The following RGS20 variants were observed in gnomAD, a reference collection of about 807,000 sequenced individuals.
RGS20 encodes the protein gz-selective GTPase-activating protein.
RGS20 carries 30 observed loss-of-function variants against 33.6 expected under a neutral mutation model. That is an observed-to-expected ratio of 0.89 (90% CI 0.67 to 1.21). The LOEUF (loss-of-function observed/expected upper bound fraction) is 1.21. Ranked by LOEUF, RGS20 falls within the 50% of genes most tolerant of loss-of-function variation. The probability of loss-of-function intolerance (pLI) is 0.00; values close to 1 mark genes in which losing one functional copy is unlikely to be tolerated. For synonymous variants in RGS20, 208 were observed against 197.9 expected, an observed-to-expected ratio of 1.05 and a Z score of -0.43; for missense variants, 472 against 502.4, an observed-to-expected ratio of 0.94 and a Z score of 0.58.
At chr8:53,895,308 C>T (rs1223225463) in intron 2 of RGS20, among the ~76,000 whole-genome samples, 2 of 152,102 alleles carry the variant, frequency 1.3e-5, no homozygotes, top group Non-Finnish European at 2.9e-5. Context: ...CAGGAGAGCT[C>T]CAACTGTGGT....
intron 2 of RGS20, among the ~76,000 whole-genome samples, chr8:53,907,570 G>A (rs1301993444): frequency 6.6e-6 from 1 of 151,152 alleles, no homozygotes; most frequent in Non-Finnish European, 1.5e-5. Context: ...GGGTGACAGA[G>A]CAAGACTCCA....
At chr8:53,864,429 T>A (rs1811876757) in intron 1 of RGS20, among the ~76,000 whole-genome samples, 2 of 118,364 alleles carry the variant, frequency 1.7e-5, no homozygotes, top group Admixed American at 9.6e-5. Context: ...CAAGACTCCA[T>A]GAAAAAAAAA....
Position 53,877,646 on chromosome 8 carries a change from G to A in RGS20, c.166-1612G>A, listed in dbSNP as rs1327224478. 6.6e-6 allele frequency among the ~76,000 whole-genome samples: 1 copy of A among 152,222 alleles called. No individual in the cohort carries two copies. Among genetic ancestry groups the A allele is most frequent in the Non-Finnish European group, 1.5e-5 (1 of 68,036 alleles). On this transcript the variant is annotated intron_variant, in intron 1 of 5. Transcript: ENST00000297313. This position sits in a 1 kb window ranked among gnomAD's most constrained non-coding sequence, Gnocchi z 5.7. ...AATAAAAGCACCTTGCCAGAGAGCG[G>A]GGGAGGGGAGCAGCTGAACGAGGAG...
intron 2 of RGS20, among the ~76,000 whole-genome samples, chr8:53,899,895 G>T (rs1455220690): frequency 6.6e-6 from 1 of 152,136 alleles, no homozygotes; most frequent in Non-Finnish European, 1.5e-5. Flanking sequence ...ACCACTCACC[G>T]CCCTCAGCAG....
rs148363383 is a variant in RGS20, at chr8:53,887,592, C to T, written c.510+7990C>T. Among the ~76,000 whole-genome samples, 129 of 152,214 alleles carry T rather than the reference C, an allele frequency of 8.5e-4. No homozygotes were observed. The Middle Eastern group carries it at 0.01, about 12-fold the overall frequency. ...GGCCAGAGAGCAGCCCAAGAGCACA[C>T]GCCCATAGATTTCTTAATTTGTATA... On this transcript the variant is annotated intron_variant, in intron 2 of 5. Coordinates refer to ENST00000297313, the MANE Select transcript of RGS20 (RefSeq NM_170587.4).
chr8:53,853,017 G>A (rs563243956), intron 1 of RGS20, among the ~76,000 whole-genome samples: 20 of 152,210 alleles, frequency 1.3e-4, no homozygotes, highest in Admixed American at 3.3e-4. Flanking sequence ...AGACATATGT[G>A]AACAAATAAC....
At chr8:53,906,142 G>A (rs555361258) in intron 2 of RGS20, among the ~76,000 whole-genome samples, 46 of 152,248 alleles carry the variant, frequency 3.0e-4, no homozygotes, top group African/African-American at 7.2e-4. Flanking sequence ...CAGGCCAGGC[G>A]CGGTGGTTCA....
chr8:53,930,019 A>G (rs60251317), intron 2 of RGS20, among the ~76,000 whole-genome samples: 13,290 of 152,246 alleles, frequency 0.087, 801 homozygotes, highest in South Asian at 0.27. Context: ...CTCATTAAAG[A>G]AAGTCTTGAG....
chr8:53,911,561 A>G (rs1813346433), intron 2 of RGS20, among the ~76,000 whole-genome samples: 1 of 117,110 alleles, frequency 8.5e-6, no homozygotes, highest in African/African-American at 5.6e-5. Flanking sequence ...AATTTAAAAT[A>G]TAGTCATATG....
rs183334143 is a variant in RGS20 at position 53,865,095 on chromosome 8, C to T, written c.165+13031C>T. ...ACACAAAGCCTGGTTTATTAGGAAC[C>T]ACTGGAAAAGCTATAAAGCCCAGGC... On this transcript the variant is annotated intron_variant, in intron 1 of 5. Transcript: ENST00000297313. Among the ~76,000 whole-genome samples the T allele has an allele frequency of 1.6e-4, 24 of 152,350 alleles. No individual in the cohort carries two copies. In the Middle Eastern group the frequency reaches 0.014, roughly 86 times the overall value.
At chr8:53,852,147 T>C in intron 1 of RGS20, 1 of 1,245,930 alleles carries the variant, frequency 8.0e-7, no homozygotes, top group Non-Finnish European at 1.1e-6. Context: ...ATACTCAAGC[T>C]TTAGTGCCAT....
intron 1 of RGS20, among the ~76,000 whole-genome samples, chr8:53,853,631 CACTCA>C (rs1489485633): frequency 6.6e-6 from 1 of 152,194 alleles, no homozygotes; most frequent in Non-Finnish European, 1.5e-5. Context: ...AGGATGGAAA[CACTCA>C]ACTCATTTTG....
At chr8:53,882,371 T>TGGCGAGCAGCCAGGGCC in intron 2 of RGS20, among the ~76,000 whole-genome samples, 1 of 152,150 alleles carries the variant, frequency 6.6e-6, no homozygotes, top group East Asian at 2.0e-4. Flanking sequence ...AGGAAAATCC[T>TGGCGAGCAGCCAGGGCC]GGCGAGCAGC....
intron 2 of RGS20, among the ~76,000 whole-genome samples, chr8:53,894,951 A>G (rs988633926): frequency 2.0e-5 from 3 of 152,176 alleles, no homozygotes; most frequent in African/African-American, 4.8e-5. Context: ...CTATTTTAAA[A>G]GAGTTAGTAA....
intron 4 of RGS20, among the ~76,000 whole-genome samples, chr8:53,948,460 T>TAA (rs1300788952): frequency 1.9e-3 from 253 of 134,098 alleles, no homozygotes; most frequent in African/African-American, 7.1e-3. Flanking sequence ...ATGCTATATA[T>TAA]GATACAGTAT....
At chr8:53,929,884 A>T (rs1338197140) in intron 2 of RGS20, among the ~76,000 whole-genome samples, 3 of 152,200 alleles carry the variant, frequency 2.0e-5, no homozygotes, top group South Asian at 2.1e-4. Flanking sequence ...ATTTTTTTTA[A>T]TGTTAATAAG....
intron 1 of RGS20, chr8:53,876,512 T>C (rs748633841): frequency 6.6e-6 from 1 of 152,252 alleles, no homozygotes; most frequent in Non-Finnish European, 1.5e-5. Context: ...TCAAATAGAA[T>C]CTGGCCTAAA....
chr8:53,951,967 AGATCGCGCC>A (rs1477247484), intron 4 of RGS20, among the ~76,000 whole-genome samples: 2 of 149,666 alleles, frequency 1.3e-5, no homozygotes, highest in Non-Finnish European at 3.0e-5. Context: ...CAGTGAGCCG[AGATCGCGCC>A]ACTGCACTCC....
Position 53,924,199 on chromosome 8 carries a change from A to AT in RGS20, c.511-15368dup, listed in dbSNP as rs1281623001. Among the ~76,000 whole-genome samples, 21 of 148,366 alleles carry AT rather than the reference A, an allele frequency of 1.4e-4. No homozygotes were observed. In the East Asian group the frequency reaches 2.0e-3, roughly 14 times the overall value. ...GACCCAGCTAATTTTTTTATTTTTT[A>AT]TTTTTTTTTGAGACAGAGTCTTGCT... On this transcript the variant is annotated intron_variant, in intron 2 of 5. Coordinates refer to ENST00000297313, the MANE Select transcript of RGS20 (RefSeq NM_170587.4).
Sources: allele counts gnomAD v4.1 joint callset (sites outside exome capture counted in the v4.1 genomes callset), GRCh38; gene constraint gnomAD v4.1.1; non-coding constraint Gnocchi (gnomAD v3.1); transcripts MANE v1.5; gene names NCBI Gene and HGNC (gene_info 2026-07-23, HGNC 2026-07-21).